Variants in STPG2 observed in about 807,000 individuals in gnomAD.
STPG2 encodes sperm tail PG-rich repeat containing 2.
STPG2 carries 56 observed loss-of-function variants against 54.2 expected under a neutral mutation model. The observed-to-expected ratio is 1.03, with a 90% confidence interval of 0.83 to 1.29. The LOEUF (loss-of-function observed/expected upper bound fraction) is 1.29, where lower values mean the gene tolerates loss of function less well. Ranked by LOEUF, STPG2 falls within the 50% of genes most tolerant of loss-of-function variation. The pLI is 0.00. For synonymous variants in STPG2, 200 were observed against 181.8 expected, an observed-to-expected ratio of 1.10 and a Z score of -0.81; for missense variants, 596 against 544.9, an observed-to-expected ratio of 1.09 and a Z score of -0.93.
In STPG2 at chr4:97,563,702, T is replaced by C. The variant is rs544984646; in HGVS notation, c.1321-4585A>G. Among the ~76,000 whole-genome samples, 46 of 152,336 alleles carry C rather than the reference T, an allele frequency of 3.0e-4. 1 individual carries two copies. Among genetic ancestry groups the C allele is most frequent in the African/African-American group, 9.4e-4 (39 of 41,566 alleles). On this transcript the variant is annotated intron_variant, in intron 10 of 10. Transcript: ENST00000295268. ...TGCCTTCATTTCGTTATGTACCCAGTAGTCATTCAGGAGCAGGTTGCTCAG... is the reference window on the plus strand; with the variant it reads ...TGCCTTCATTTCGTTATGTACCCAGCAGTCATTCAGGAGCAGGTTGCTCAG...
chr4:97,928,888 A>T (rs1355470400), intron 8 of STPG2, among the ~76,000 whole-genome samples: 2 of 151,636 alleles, frequency 1.3e-5, no homozygotes, highest in Admixed American at 6.6e-5. Flanking sequence ...TATTTTTTTT[A>T]ACTGTTATTT....
chr4:97,817,643 A>C (rs1297736906), intron 9 of STPG2, among the ~76,000 whole-genome samples: 3 of 151,986 alleles, frequency 2.0e-5, no homozygotes, highest in Non-Finnish European at 4.4e-5. Flanking sequence ...AAGTTTCTGA[A>C]GTTCAGCTTC....
chr4:97,451,240 C>T (rs1729356701), intron 4 of STPG2, among the ~76,000 whole-genome samples: 1 of 152,072 alleles, frequency 6.6e-6, no homozygotes. Context: ...ATGTATCTGT[C>T]TGGTTTTAAG....
At chr4:97,486,287 A>T (rs1730356045) in intron 4 of STPG2, among the ~76,000 whole-genome samples, 1 of 151,932 alleles carries the variant, frequency 6.6e-6, no homozygotes, top group Non-Finnish European at 1.5e-5. Context: ...ACAAAGGACT[A>T]ATATCCAGAG....
chr4:97,642,898 T>C (rs1367416884), intron 10 of STPG2, among the ~76,000 whole-genome samples: 2 of 151,398 alleles, frequency 1.3e-5, no homozygotes, highest in Admixed American at 1.3e-4. Flanking sequence ...TAGAGAACAA[T>C]TGCCAAATAA....
intron 4 of STPG2, among the ~76,000 whole-genome samples, chr4:97,499,795 C>T (rs925725906): frequency 2.0e-5 from 3 of 151,850 alleles, no homozygotes; most frequent in African/African-American, 7.3e-5. Context: ...GCAGCAGAAA[C>T]AGCTAGTGCA....
intron 4 of STPG2, among the ~76,000 whole-genome samples, chr4:97,472,585 A>C (rs986039715): frequency 6.6e-6 from 1 of 152,240 alleles, no homozygotes; most frequent in African/African-American, 2.4e-5. Flanking sequence ...GATGTCTTTC[A>C]GTAGATAAAC....
chr4:97,471,879 C>T (rs924385404), intron 4 of STPG2, among the ~76,000 whole-genome samples: 1 of 152,032 alleles, frequency 6.6e-6, no homozygotes, highest in Non-Finnish European at 1.5e-5. Context: ...TCATATGACT[C>T]GAAAACAAGT....
Position 97,507,597 on chromosome 4 carries a change from C to T in STPG2, c.462+205102G>A, listed in dbSNP as rs150928419. Reference sequence around the variant, plus strand: ...CTCATTTCAGATGCCAGCTGCAAGCCCTAGTGGGTCCCCATGCCACTTGCA... The same window carrying T: ...CTCATTTCAGATGCCAGCTGCAAGCTCTAGTGGGTCCCCATGCCACTTGCA... On this transcript the variant is annotated intron_variant, in intron 4 of 4. Coordinates refer to the STPG2 transcript ENST00000522676. 4.2e-3 allele frequency among the ~76,000 whole-genome samples: 638 copies of T among 152,092 alleles called. 3 individuals carry two copies. The highest frequency in any genetic ancestry group is 0.02 in the South Asian group (98 of 4,816).
chr4:97,685,033 T>C (rs113445032), intron 10 of STPG2, among the ~76,000 whole-genome samples: 1 of 152,116 alleles, frequency 6.6e-6, no homozygotes, highest in African/African-American at 2.4e-5. Flanking sequence ...TACAACTACA[T>C]ACCTATCAGA....
chr4:97,767,318 G>A (rs1257704557), intron 9 of STPG2, among the ~76,000 whole-genome samples: 1 of 152,054 alleles, frequency 6.6e-6, no homozygotes, highest in Non-Finnish European at 1.5e-5. Context: ...CTGAAACAGG[G>A]AAGATTTGAT....
intron 8 of STPG2, among the ~76,000 whole-genome samples, chr4:97,854,957 G>A (rs901279086): frequency 4.6e-5 from 7 of 152,098 alleles, no homozygotes; most frequent in African/African-American, 1.2e-4. Flanking sequence ...ATGTGTCCAC[G>A]TGTTCTCATC....
At chr4:97,567,316 A>T (rs557259275) in intron 10 of STPG2, among the ~76,000 whole-genome samples, 1 of 151,508 alleles carries the variant, frequency 6.6e-6, no homozygotes, top group Non-Finnish European at 1.5e-5. Flanking sequence ...TGAACAGTAC[A>T]TACTGTTGGT....
intron 10 of STPG2, among the ~76,000 whole-genome samples, chr4:97,645,449 A>C (rs1396208288): frequency 6.6e-6 from 1 of 152,164 alleles, no homozygotes; most frequent in Admixed American, 6.6e-5. Context: ...TGCCATTGAT[A>C]TTCTAAGAGA....
At chr4:98,013,133 C>G (rs1735811758) in intron 5 of STPG2, among the ~76,000 whole-genome samples, 1 of 152,072 alleles carries the variant, frequency 6.6e-6, no homozygotes, top group South Asian at 2.1e-4. Flanking sequence ...CCATCAATAC[C>G]TAGTTTATTG....
intron 5 of STPG2, among the ~76,000 whole-genome samples, chr4:98,028,902 T>G (rs565418764): frequency 6.6e-6 from 1 of 152,282 alleles, no homozygotes; most frequent in South Asian, 2.1e-4. Context: ...TCACATAGCT[T>G]GAAATATTTT....
intron 10 of STPG2, among the ~76,000 whole-genome samples, chr4:97,686,952 T>TTGA (rs1553950010): frequency 1.4e-4 from 21 of 148,044 alleles, no homozygotes; most frequent in East Asian, 2.0e-4. Flanking sequence ...TTTTTTTTTT[T>TTGA]GAGAGAGAGA....
chr4:97,751,534 G>C (rs1051903497), intron 9 of STPG2, among the ~76,000 whole-genome samples: 39 of 151,792 alleles, frequency 2.6e-4, no homozygotes, highest in Middle Eastern at 6.8e-3. Flanking sequence ...GGTTCAAATT[G>C]AACATATTTT....
intron 4 of STPG2, among the ~76,000 whole-genome samples, chr4:97,457,549 C>T (rs976912362): frequency 2.6e-5 from 4 of 152,172 alleles, no homozygotes; most frequent in African/African-American, 9.7e-5. Context: ...CCTCACACCC[C>T]CTAGGTGGAG....
Sources: gnomAD v4.1 joint callset for allele counts (sites outside exome capture counted in the v4.1 genomes callset) on GRCh38, gnomAD v4.1.1 for gene constraint, MANE v1.5 for transcripts, NCBI Gene and HGNC (gene_info 2026-07-23, HGNC 2026-07-21) for gene names.